NSF: variants seen among roughly 807,000 people sequenced by gnomAD.
NSF encodes N-ethylmaleimide sensitive factor, vesicle fusing ATPase.
A neutral mutation model predicts 50.3 loss-of-function variants in NSF; 14 were observed. The ratio of observed to expected loss-of-function variants is 0.28; its 90% CI spans 0.18 to 0.44. The LOEUF (loss-of-function observed/expected upper bound fraction) is 0.44, where lower values mean the gene tolerates loss of function less well. Ranked by LOEUF, NSF falls within the 20% of genes least tolerant of loss-of-function variation. The pLI, the probability that NSF is intolerant of heterozygous loss-of-function variation, is 1.00. For missense variants in NSF, 218 were observed against 504.3 expected (o/e 0.43, Z 5.44); for synonymous variants, 109 against 175.7 (o/e 0.62, Z 3.00).
At chr17:46,742,610 G>A (rs1018496523) in intron 17 of NSF, among the ~76,000 whole-genome samples, 3 of 152,162 alleles carry the variant, frequency 2.0e-5, no homozygotes, top group African/African-American at 7.2e-5. Flanking sequence ...GGTATGTGGG[G>A]ATTGAGTTGG....
At chr17:46,745,580 A>T (rs2059120102) in intron 17 of NSF, among the ~76,000 whole-genome samples, 1 of 152,230 alleles carries the variant, frequency 6.6e-6, no homozygotes. Flanking sequence ...TGGAATGAGT[A>T]AGAAGCTTCT....
intron 17 of NSF, among the ~76,000 whole-genome samples, chr17:46,739,082 A>T (rs2146316380): frequency 6.6e-6 from 1 of 151,572 alleles, no homozygotes; most frequent in Non-Finnish European, 1.5e-5. Context: ...CTAAAAATAC[A>T]AAAAAGTCCA....
At chr17:46,717,980 A>T (rs2058790734) in intron 15 of NSF, among the ~76,000 whole-genome samples, 1 of 152,212 alleles carries the variant, frequency 6.6e-6, no homozygotes, top group African/African-American at 2.4e-5. Flanking sequence ...TGCCAGATCT[A>T]CTTGGGGCTA....
intron 15 of NSF, among the ~76,000 whole-genome samples, chr17:46,714,484 TTCC>T (rs1470572794): frequency 1.3e-5 from 2 of 152,176 alleles, no homozygotes; most frequent in Admixed American, 6.5e-5. Flanking sequence ...CTCATACATC[TTCC>T]TTTCTCCAAG....
intron 17 of NSF, among the ~76,000 whole-genome samples, chr17:46,739,644 A>C (rs1033356759): frequency 1.3e-5 from 2 of 152,112 alleles, no homozygotes; most frequent in Non-Finnish European, 2.9e-5. Flanking sequence ...CTCTACTAAA[A>C]AAAAAAATAA....
chr17:46,610,877 A>G (rs1296128068), intron 1 of NSF, among the ~76,000 whole-genome samples: 1 of 127,380 alleles, frequency 7.9e-6, no homozygotes, highest in Non-Finnish European at 1.5e-5. Flanking sequence ...TCAACACTCT[A>G]TTGGTGGTTC....
At chr17:46,606,031 T>C (rs2057955748) in intron 1 of NSF, among the ~76,000 whole-genome samples, 1 of 72,736 alleles carries the variant, frequency 1.4e-5, no homozygotes, top group East Asian at 4.0e-4. Context: ...AAAAAAAAAT[T>C]AGCCGGGTGT....
chr17:46,716,219 G>A (rs957223632), intron 15 of NSF, among the ~76,000 whole-genome samples: 1 of 151,000 alleles, frequency 6.6e-6, no homozygotes, highest in Non-Finnish European at 1.5e-5. Flanking sequence ...TCATTCTTTA[G>A]TATAAGTTCT....
chr17:46,737,026 A>G lies in NSF; in HGVS notation c.1908+8092A>G, dbSNP rs572852148. Among the ~76,000 whole-genome samples, 91 of 152,314 alleles carry G rather than the reference A, an allele frequency of 6.0e-4. 2 individuals carry two copies. The South Asian group carries it at 0.018, about 30-fold the overall frequency. ...GAGATCGGAAGTTTCTTTTTCACCA[A>G]AAATATTTCTTTTGACATAGAAGTT... On this transcript the variant is annotated intron_variant, in intron 17 of 20. Transcript: ENST00000398238.
intron 13 of NSF, among the ~76,000 whole-genome samples, chr17:46,707,314 T>A (rs567421548): frequency 6.6e-6 from 1 of 152,366 alleles, no homozygotes; most frequent in South Asian, 2.1e-4. Context: ...GTTTTTCTGT[T>A]GTACTGCTTA....
intron 17 of NSF, among the ~76,000 whole-genome samples, chr17:46,738,036 T>C (rs1288120026): frequency 6.6e-6 from 1 of 151,886 alleles, no homozygotes; most frequent in Non-Finnish European, 1.5e-5. Context: ...TGGGCTCAAT[T>C]GATCCTCCCG....
At chr17:46,752,116 T>G (rs1007691645) in intron 19 of NSF, among the ~76,000 whole-genome samples, 5 of 152,232 alleles carry the variant, frequency 3.3e-5, no homozygotes, top group Admixed American at 3.3e-4. Context: ...TCTGTATATT[T>G]GTCCCTGGCT....
At chr17:46,730,562 T>C (rs374206269) in intron 17 of NSF, among the ~76,000 whole-genome samples, 15 of 152,198 alleles carry the variant, frequency 9.9e-5, no homozygotes, top group Admixed American at 5.9e-4. Flanking sequence ...GTAAAACTTA[T>C]TGTAAGATTT....
chr17:46,711,244 A>G, intron 14 of NSF, 125 bp downstream of exon 14: 1 of 892,758 alleles, frequency 1.1e-6, no homozygotes, highest in Non-Finnish European at 1.6e-6. Flanking sequence ...TTGATCTGAA[A>G]ATAGTAATCC....
chr17:46,750,541 T>C (rs2059172152), intron 18 of NSF, among the ~76,000 whole-genome samples: 1 of 152,194 alleles, frequency 6.6e-6, no homozygotes, highest in South Asian at 2.1e-4. Context: ...TTTCAGACTT[T>C]TGGATTAGGG....
At chr17:46,723,936 A>G (rs1163575037) in intron 15 of NSF, among the ~76,000 whole-genome samples, 1 of 152,182 alleles carries the variant, frequency 6.6e-6, no homozygotes, top group East Asian at 1.9e-4. Flanking sequence ...TTGCCTTTAC[A>G]GTAAAATTTT....
At chr17:46,741,953 A>C (rs1288289549) in intron 17 of NSF, among the ~76,000 whole-genome samples, 1 of 152,096 alleles carries the variant, frequency 6.6e-6, no homozygotes, top group African/African-American at 2.4e-5. Flanking sequence ...ACAGCATTTC[A>C]CCGTGTTGGT....
chr17:46,679,079 G>A (rs2058428814), intron 9 of NSF, among the ~76,000 whole-genome samples: 1 of 151,958 alleles, frequency 6.6e-6, no homozygotes, highest in Non-Finnish European at 1.5e-5. Context: ...CTAAAGTATA[G>A]TGTTTAACAA....
rs2057862181 is a variant in NSF, at chr17:46,595,522, G to C, written c.12+4735G>C. Among the ~76,000 whole-genome samples the C allele has an allele frequency of 1.8e-5, 2 of 114,238 alleles. 1 individual carries two copies. Among genetic ancestry groups the C allele is most frequent in the Non-Finnish European group, 3.1e-5 (2 of 63,702 alleles). 74.9% of individuals were successfully genotyped at this position (114,238 alleles called of 152,430 possible). ...TTTTTTTTTTTTGAGACGGAGTCTT[G>C]CTCCGTCACCCAGGCTGGAGTGCAG... On this transcript the variant is annotated intron_variant, in intron 1 of 20. Transcript: ENST00000398238.
Sources: gnomAD v4.1 joint callset for allele counts (sites outside exome capture counted in the v4.1 genomes callset) on GRCh38, gnomAD v4.1.1 for gene constraint, MANE v1.5 for transcripts, NCBI Gene and HGNC (gene_info 2026-07-23, HGNC 2026-07-21) for gene names.